Variants in RARB observed in about 807,000 individuals in gnomAD.
RARB encodes the protein retinoic acid receptor beta, also known as HBV-activated protein.
A neutral mutation model predicts 51.9 loss-of-function variants in RARB; 17 were observed. That is an observed-to-expected ratio of 0.33 (90% CI 0.22 to 0.49). RARB has a LOEUF of 0.49. Ranked by LOEUF, RARB falls within the 20% of genes least tolerant of loss-of-function variation. The pLI, the probability that RARB is intolerant of heterozygous loss-of-function variation, is 0.99. For synonymous variants in RARB, 215 were observed against 195.4 expected, an observed-to-expected ratio of 1.10 and a Z score of -0.84; for missense variants, 369 against 550.8, an observed-to-expected ratio of 0.67 and a Z score of 3.30.
chr3:25,260,099 T>G (rs1417316642), intron 5 of RARB: 1 of 678,550 alleles, frequency 1.5e-6, no homozygotes, highest in Non-Finnish European at 1.8e-6. Flanking sequence ...AGTTTCAGCT[T>G]TGTTTGTTGT....
chr3:25,062,065 A>G (rs1408925085), intron 3 of RARB, among the ~76,000 whole-genome samples: 1 of 151,808 alleles, frequency 6.6e-6, no homozygotes, highest in Non-Finnish European at 1.5e-5. Context: ...GAAGTATAAA[A>G]TATCTTTATG....
chr3:25,118,904 A>G (rs1255253741), intron 3 of RARB, among the ~76,000 whole-genome samples: 2 of 152,186 alleles, frequency 1.3e-5, no homozygotes, highest in East Asian at 1.9e-4. Context: ...TAAAGCATCT[A>G]TAACCAAATG....
Position 25,031,603 on chromosome 3 carries a change from A to G in RARB, c.-379-28522A>G, listed in dbSNP as rs1049260207. Among the ~76,000 whole-genome samples the G allele has an allele frequency of 5.8e-4, 88 of 152,176 alleles. 1 individual carries two copies. Among genetic ancestry groups the G allele is most frequent in the African/African-American group, 2.0e-3 (85 of 41,508 alleles). On this transcript the variant is annotated intron_variant, in intron 2 of 11. Coordinates refer to the RARB transcript ENST00000383772. ...TCATTTATGCCCACTAACTCTGTTG[A>G]CCCACTTCCTCTTACCTGATGAACT...
intron 5 of RARB, among the ~76,000 whole-genome samples, chr3:25,341,956 A>G (rs922505243): frequency 1.3e-5 from 2 of 152,194 alleles, no homozygotes; most frequent in Admixed American, 6.5e-5. Flanking sequence ...AATTAAATAC[A>G]TTGTATCTGT....
At chr3:25,363,849 C>T (rs979889400) in intron 5 of RARB, among the ~76,000 whole-genome samples, 1 of 152,186 alleles carries the variant, frequency 6.6e-6, no homozygotes, top group Non-Finnish European at 1.5e-5. Context: ...TCTGACTTGG[C>T]TCCAGCCACA....
intron 5 of RARB, among the ~76,000 whole-genome samples, chr3:25,244,750 T>A (rs1291801016): frequency 6.6e-6 from 1 of 152,252 alleles, no homozygotes; most frequent in East Asian, 1.9e-4. Context: ...TCGATTTTAG[T>A]ATAAGTGCTA....
At chr3:25,553,321 C>T (rs1418635417) in intron 3 of RARB, among the ~76,000 whole-genome samples, 1 of 152,186 alleles carries the variant, frequency 6.6e-6, no homozygotes, top group African/African-American at 2.4e-5. Context: ...TTCACCACCC[C>T]TCAAGGAATG....
chr3:25,158,309 T>G (rs1314902355), intron 4 of RARB, among the ~76,000 whole-genome samples: 1 of 152,256 alleles, frequency 6.6e-6, no homozygotes, highest in Non-Finnish European at 1.5e-5. Flanking sequence ...ATTATTGAAA[T>G]ATTAATCACT....
At position 25,239,705 on chromosome 3, in the gene RARB, CT is replaced by C. The variant is rs1254782307; in HGVS notation, c.178+65132del. 3.9e-5 allele frequency among the ~76,000 whole-genome samples: 6 copies of C among 152,230 alleles called. No individual in the cohort carries two copies. In the East Asian group the frequency reaches 1.2e-3, roughly 29 times the overall value. ...ATAATGCTGTTTTGGTTAGCAGAGACTTGAAATATATTTCGAAATCTAATAG... is the reference window on the plus strand; with the variant it reads ...ATAATGCTGTTTTGGTTAGCAGAGACTGAAATATATTTCGAAATCTAATAG... On this transcript the variant is annotated intron_variant, in intron 5 of 11. Coordinates refer to the RARB transcript ENST00000383772.
intron 2 of RARB, among the ~76,000 whole-genome samples, chr3:24,970,290 G>A (rs894590335): frequency 2.0e-5 from 3 of 152,036 alleles, no homozygotes; most frequent in Non-Finnish European, 4.4e-5. Flanking sequence ...AAAGTTTGAG[G>A]TGTAGGTATA....
At chr3:25,414,705 C>T (rs1486366189) in intron 5 of RARB, among the ~76,000 whole-genome samples, 1 of 152,042 alleles carries the variant, frequency 6.6e-6, no homozygotes. Context: ...GGTTTATTTG[C>T]CATATATATA....
At chr3:24,879,323 G>A (rs906198947) in intron 2 of RARB, among the ~76,000 whole-genome samples, 1 of 152,002 alleles carries the variant, frequency 6.6e-6, no homozygotes, top group African/African-American at 2.4e-5. Context: ...CAGCTACTCG[G>A]GAGGCTGAGG....
chr3:25,316,220 A>G (rs1347144679), intron 5 of RARB, among the ~76,000 whole-genome samples: 1 of 152,162 alleles, frequency 6.6e-6, no homozygotes, highest in Non-Finnish European at 1.5e-5. Flanking sequence ...ATATTTATGT[A>G]ATTTTTATTC....
chr3:25,431,267 G>GGT (rs1028139622), intron 1 of RARB, among the ~76,000 whole-genome samples: 8 of 151,774 alleles, frequency 5.3e-5, no homozygotes, highest in Admixed American at 6.6e-5. Context: ...TTTTTTTTAT[G>GGT]GTGTGTGTGT....
chr3:25,108,368 C>A (rs1317980496), intron 3 of RARB, among the ~76,000 whole-genome samples: 1 of 152,078 alleles, frequency 6.6e-6, no homozygotes, highest in Non-Finnish European at 1.5e-5. Flanking sequence ...TTGAGGTCAC[C>A]AGGTAGTTAT....
At chr3:25,550,179 TAA>T (rs1252806756) in intron 3 of RARB, among the ~76,000 whole-genome samples, 1 of 152,226 alleles carries the variant, frequency 6.6e-6, no homozygotes, top group Admixed American at 6.5e-5. Flanking sequence ...CCTTTGCAGT[TAA>T]GATACTTGGC....
chr3:24,905,193 A>G (rs1694832492), intron 2 of RARB, among the ~76,000 whole-genome samples: 1 of 152,152 alleles, frequency 6.6e-6, no homozygotes, highest in Admixed American at 6.6e-5. Context: ...TCTGTGACTC[A>G]TTTATTTCAT....
chr3:24,929,022 A>G (rs772249860), intron 2 of RARB, among the ~76,000 whole-genome samples: 2 of 152,034 alleles, frequency 1.3e-5, no homozygotes, highest in Non-Finnish European at 2.9e-5. Flanking sequence ...TATTGCATAC[A>G]TTGAAATGTC....
intron 2 of RARB, among the ~76,000 whole-genome samples, chr3:25,052,875 A>G (rs1275549873): frequency 1.3e-5 from 2 of 150,986 alleles, no homozygotes; most frequent in Non-Finnish European, 2.9e-5. Context: ...AGTGAGAGGT[A>G]AAAAAGTCAT....
Sources: gnomAD v4.1 joint callset for allele counts (sites outside exome capture counted in the v4.1 genomes callset) on GRCh38, gnomAD v4.1.1 for gene constraint, MANE v1.5 for transcripts, NCBI Gene and HGNC (gene_info 2026-07-23, HGNC 2026-07-21) for gene names.